The following AUTS2 variants were observed in gnomAD, a reference collection of about 807,000 sequenced individuals.
The protein encoded by AUTS2 is activator of transcription and developmental regulator AUTS2, also known as autism susceptibility gene 2 protein.
In AUTS2, 17 loss-of-function variants were observed where a neutral mutation model predicts 112.4. The observed-to-expected ratio is 0.15, with a 90% CI of 0.10 to 0.23. The LOEUF is 0.23. AUTS2 is among the 10% of genes least tolerant of loss of function. AUTS2 has a pLI of 1.00. For synonymous variants in AUTS2, 751 were observed against 702.7 expected (o/e 1.07, Z -1.09); for missense variants, 1,510 against 1,701.6 (o/e 0.89, Z 1.98).
intron 1 of AUTS2, among the ~76,000 whole-genome samples, chr7:69,726,570 T>A (rs1002581342): frequency 6.6e-6 from 1 of 152,000 alleles, no homozygotes; most frequent in Non-Finnish European, 1.5e-5. Context: ...TGCCTAATTG[T>A]GGAATTTTGT....
intron 1 of AUTS2, among the ~76,000 whole-genome samples, chr7:69,649,883 G>T (rs1194532121): frequency 6.6e-6 from 1 of 152,170 alleles, no homozygotes; most frequent in Admixed American, 6.5e-5. Flanking sequence ...AATTAGCAAG[G>T]AAGGAGGAAG....
At chr7:70,480,115 C>G (rs1191753720) in intron 5 of AUTS2, among the ~76,000 whole-genome samples, 1 of 152,176 alleles carries the variant, frequency 6.6e-6, no homozygotes, top group East Asian at 1.9e-4. Context: ...AGATCTCGCT[C>G]TCACTGTGGT....
intron 6 of AUTS2, among the ~76,000 whole-genome samples, chr7:70,701,589 A>C (rs1242445079): frequency 6.6e-6 from 1 of 152,184 alleles, no homozygotes; most frequent in Non-Finnish European, 1.5e-5. Flanking sequence ...GGTGTTCCGA[A>C]TGGTCGTTTT....
intron 5 of AUTS2, among the ~76,000 whole-genome samples, chr7:70,579,623 GT>G (rs1802344614): frequency 6.6e-6 from 1 of 152,144 alleles, no homozygotes; most frequent in South Asian, 2.1e-4. Flanking sequence ...GACAGAGCAG[GT>G]GCAATTAATA....
chr7:70,335,374 CT>C (rs1261998356), intron 4 of AUTS2, among the ~76,000 whole-genome samples: 1 of 152,158 alleles, frequency 6.6e-6, no homozygotes. Flanking sequence ...CTAATTAGTC[CT>C]CTCCTTCAAA....
intron 4 of AUTS2, among the ~76,000 whole-genome samples, chr7:70,398,972 TG>T (rs1383799375): frequency 1.3e-5 from 2 of 151,438 alleles, no homozygotes; most frequent in African/African-American, 4.8e-5. Flanking sequence ...GAAAATCATA[TG>T]GTCTTTCTTT....
chr7:69,636,711 CT>C (rs1405991906), intron 1 of AUTS2, among the ~76,000 whole-genome samples: 2 of 151,680 alleles, frequency 1.3e-5, no homozygotes, highest in Non-Finnish European at 2.9e-5. Context: ...TTGTAGTATG[CT>C]TTTTTTTCCT....
chr7:69,859,325 C>T (rs1792874266), intron 1 of AUTS2, among the ~76,000 whole-genome samples: 1 of 152,174 alleles, frequency 6.6e-6, no homozygotes, highest in African/African-American at 2.4e-5. Flanking sequence ...ATGTTTTGGT[C>T]ATACTAAGTT....
intron 1 of AUTS2, among the ~76,000 whole-genome samples, chr7:69,853,879 GTGAGA>G: frequency 6.6e-6 from 1 of 152,234 alleles, no homozygotes; most frequent in African/African-American, 2.4e-5. Context: ...ATTGCTGTAA[GTGAGA>G]TGAAAGTGAA....
At chr7:70,335,426 G>T (rs954895772) in intron 4 of AUTS2, among the ~76,000 whole-genome samples, 1 of 152,148 alleles carries the variant, frequency 6.6e-6, no homozygotes, top group Non-Finnish European at 1.5e-5. Context: ...GAAGTAGTGG[G>T]CCCTGACTTA....
At position 70,792,266 on chromosome 7, in the gene AUTS2, G is replaced by A. The variant is rs1481901810; in HGVS notation, c.*1270G>A. ...GCAGAAAAAAAAGTCTTGTGTGTGA[G>A]TGTGTTTTTTGAGTTTGCATCAATC... On this transcript the variant is annotated 3_prime_UTR_variant, in exon 19 of 19. Coordinates refer to ENST00000342771, the MANE Select transcript of AUTS2 (RefSeq NM_015570.4). 1 of 152,474 alleles carries A rather than the reference G, an allele frequency of 6.6e-6. No homozygotes were observed. Among genetic ancestry groups the A allele is most frequent in the Non-Finnish European group, 1.5e-5 (1 of 67,994 alleles). The allele number at this position is 152,474 out of a possible 1,614,324, so 9.4% of individuals were successfully genotyped here. A position where few individuals can be genotyped will look rare whatever the true frequency, so the allele number is the denominator to read the frequency against.
chr7:70,482,294 C>T (rs1461585151), intron 5 of AUTS2, among the ~76,000 whole-genome samples: 1 of 152,142 alleles, frequency 6.6e-6, no homozygotes, highest in African/African-American at 2.4e-5. Context: ...TGGGGCACTT[C>T]GTCCTCCTCC....
In AUTS2 at chr7:70,739,393, C is replaced by G. The variant is rs559971554; in HGVS notation, c.743-23477C>G. 1.2e-4 allele frequency among the ~76,000 whole-genome samples: 18 copies of G among 149,372 alleles called. No homozygotes were observed. The South Asian group carries it at 3.6e-3, about 30-fold the overall frequency. ...TGAGATCATATTATGTTGCCCAGGC[C>G]CCTCTCAAACTCCTGGCCTCAAGCG... On this transcript the variant is annotated intron_variant, in intron 6 of 18. Transcript: ENST00000342771.
chr7:70,252,712 G>C (rs942800138), intron 4 of AUTS2, among the ~76,000 whole-genome samples: 13 of 152,102 alleles, frequency 8.5e-5, no homozygotes, highest in African/African-American at 2.4e-4. Context: ...TAGTTTTACA[G>C]TTTCAGATCT....
At position 69,633,581 on chromosome 7, in the gene AUTS2, C is replaced by A. The variant is rs112533921; in HGVS notation, c.309+33619C>A. ...TCCCACCAACCGTATACAAGAGTTC[C>A]TTTTCTCCACTCTTTCCAACATTTG... On this transcript the variant is annotated intron_variant, in intron 1 of 18. Coordinates refer to ENST00000342771, the MANE Select transcript of AUTS2 (RefSeq NM_015570.4). 2.2e-3 allele frequency among the ~76,000 whole-genome samples: 336 copies of A among 152,152 alleles called. 2 individuals carry two copies. Among genetic ancestry groups the A allele is most frequent in the Middle Eastern group, 6.8e-3 (2 of 292 alleles).
intron 5 of AUTS2, among the ~76,000 whole-genome samples, chr7:70,470,542 A>G (rs1030403144): frequency 1.4e-4 from 21 of 152,196 alleles, no homozygotes; most frequent in African/African-American, 5.1e-4. Flanking sequence ...AGTCAACGCT[A>G]TCTAAACATG....
chr7:69,641,703 A>G (rs1383699297), intron 1 of AUTS2, among the ~76,000 whole-genome samples: 1 of 152,172 alleles, frequency 6.6e-6, no homozygotes. Context: ...TTTCAGTTAC[A>G]TTTTTTAAGG....
intron 4 of AUTS2, among the ~76,000 whole-genome samples, chr7:70,308,995 G>A (rs959821577): frequency 6.6e-6 from 1 of 152,172 alleles, no homozygotes; most frequent in Admixed American, 6.5e-5. Context: ...TGAGCAGCAT[G>A]TTAATTACCA....
intron 4 of AUTS2, among the ~76,000 whole-genome samples, chr7:70,206,415 C>T (rs1810577694): frequency 6.6e-6 from 1 of 151,686 alleles, no homozygotes; most frequent in Non-Finnish European, 1.5e-5. Flanking sequence ...CATCTGTTTC[C>T]TTCCATAAGT....
Sources: gnomAD v4.1 joint callset for allele counts (sites outside exome capture counted in the v4.1 genomes callset) on GRCh38, gnomAD v4.1.1 for gene constraint, MANE v1.5 for transcripts, NCBI Gene and HGNC (gene_info 2026-07-23, HGNC 2026-07-21) for gene names.